BNIP3L: variants seen among roughly 807,000 people sequenced by gnomAD.
The protein encoded by BNIP3L is BCL2 interacting protein 3 like.
BNIP3L carries 10 observed loss-of-function variants against 25.5 expected under a neutral mutation model. That is an observed-to-expected ratio of 0.39 (90% CI 0.24 to 0.67). BNIP3L has a LOEUF of 0.67. Among genes scored for constraint, BNIP3L ranks in the 30% least tolerant of loss-of-function variants. BNIP3L has a pLI of 0.45. For missense variants in BNIP3L, 215 were observed against 270.9 expected (o/e 0.79, Z 1.45); for synonymous variants, 113 against 101.2 (o/e 1.12, Z -0.70).
At chr8:26,401,417 G>A (rs993004789) in intron 3 of BNIP3L, among the ~76,000 whole-genome samples, 1 of 151,574 alleles carries the variant, frequency 6.6e-6, no homozygotes, top group Non-Finnish European at 1.5e-5. Flanking sequence ...GGACTGTGGT[G>A]GGGAGCGGGG....
intron 1 of BNIP3L, among the ~76,000 whole-genome samples, chr8:26,390,064 C>CT (rs752478826): frequency 2.0e-5 from 3 of 152,124 alleles, no homozygotes; most frequent in Non-Finnish European, 2.9e-5. Flanking sequence ...ACCACTATCT[C>CT]TTTTTGCTGT....
intron 3 of BNIP3L, among the ~76,000 whole-genome samples, chr8:26,403,677 C>G (rs1806439557): frequency 6.6e-6 from 1 of 152,032 alleles, no homozygotes; most frequent in Admixed American, 6.6e-5. Context: ...GCTGGGACTA[C>G]AGGCTCACAC....
At chr8:26,402,154 T>C (rs1806398494) in intron 3 of BNIP3L, among the ~76,000 whole-genome samples, 2 of 152,222 alleles carry the variant, frequency 1.3e-5, no homozygotes, top group South Asian at 2.1e-4. Flanking sequence ...CTCTATACTT[T>C]ACTATGCTCT....
chr8:26,404,517 C>T (rs1806456580), intron 3 of BNIP3L, among the ~76,000 whole-genome samples: 1 of 152,078 alleles, frequency 6.6e-6, no homozygotes, highest in South Asian at 2.1e-4. Context: ...TCAGAATCTT[C>T]TTTGTTTTTG....
At chr8:26,405,347 T>A (rs1452546734) in intron 3 of BNIP3L, among the ~76,000 whole-genome samples, 1 of 152,160 alleles carries the variant, frequency 6.6e-6, no homozygotes, top group Non-Finnish European at 1.5e-5. Flanking sequence ...TGTTTTTGAT[T>A]TGGGATGATT....
chr8:26,401,673 C>G (rs1806386304), intron 3 of BNIP3L, among the ~76,000 whole-genome samples: 1 of 147,248 alleles, frequency 6.8e-6, no homozygotes, highest in African/African-American at 2.5e-5. Flanking sequence ...GACATGAAGA[C>G]TTTTTTTTGC....
intron 1 of BNIP3L, among the ~76,000 whole-genome samples, chr8:26,385,421 A>C (rs1209643389): frequency 6.6e-6 from 1 of 151,838 alleles, no homozygotes; most frequent in East Asian, 2.0e-4. Context: ...ACATGGTGAG[A>C]GAACAACCCC....
At chr8:26,387,961 CAGT>C (rs2117465088) in intron 1 of BNIP3L, among the ~76,000 whole-genome samples, 1 of 152,250 alleles carries the variant, frequency 6.6e-6, no homozygotes, top group East Asian at 1.9e-4. Flanking sequence ...GAATGAATGT[CAGT>C]ATATATTGAT....
intron 5 of BNIP3L, 110 bp from the exon 6 acceptor site, chr8:26,410,253 CT>C: frequency 1.6e-6 from 2 of 1,287,402 alleles, no homozygotes; most frequent in Non-Finnish European, 2.2e-6. Context: ...ACCCACAAAC[CT>C]TTAGAGCCTT....
chr8:26,406,428 A>C (rs1806501068), intron 3 of BNIP3L, among the ~76,000 whole-genome samples: 1 of 152,208 alleles, frequency 6.6e-6, no homozygotes. Context: ...CTGGTTGTGG[A>C]ACCTTAGGCA....
At chr8:26,404,080 G>A (rs141283760) in intron 3 of BNIP3L, among the ~76,000 whole-genome samples, 64 of 152,318 alleles carry the variant, frequency 4.2e-4, no homozygotes, top group Admixed American at 1.6e-3. Context: ...TGTCTGCTGA[G>A]TTATGGTATG....
chr8:26,395,095 G>A, intron 2 of BNIP3L, 135 bp from the exon 3 acceptor site: 3 of 759,828 alleles, frequency 3.9e-6, no homozygotes, highest in Non-Finnish European at 6.1e-6. Context: ...TTCTTGTATA[G>A]GGTTATGATA....
intron 3 of BNIP3L, among the ~76,000 whole-genome samples, chr8:26,405,986 T>C (rs1042930075): frequency 1.3e-5 from 2 of 152,232 alleles, no homozygotes; most frequent in African/African-American, 4.8e-5. Flanking sequence ...GAGGTTGCAG[T>C]GAGCCAAGGT....
chr8:26,410,409 C>CTG lies in BNIP3L; in HGVS notation c.658_659dup (p.Ter220CysfsTer46). The CTG allele has an allele frequency of 6.2e-7, 1 of 1,614,094 alleles. No individual in the cohort carries two copies. Among genetic ancestry groups the CTG allele is most frequent in the South Asian group, 1.1e-5 (1 of 91,082 alleles). Reference sequence around the variant, plus strand: ...TGAGCACACCCTCTGCCAGCACCTACTGAGGGAAAGGAAAAGCCCCTGGAA... The same window carrying CTG: ...TGAGCACACCCTCTGCCAGCACCTACTGTGAGGGAAAGGAAAAGCCCCTGGAA... On this transcript the variant is annotated frameshift_variant, in exon 6 of 6. Coordinates refer to ENST00000380629, the MANE Select transcript of BNIP3L (RefSeq NM_004331.3). LOFTEE classifies it high-confidence loss of function.
At chr8:26,395,123 T>C in intron 2 of BNIP3L, 107 bp from the exon 3 acceptor site, 6 of 1,159,524 alleles carry the variant, frequency 5.2e-6, no homozygotes, top group Non-Finnish European at 7.3e-6. Flanking sequence ...TGATTTGCTT[T>C]TTCAAAGCCA....
chr8:26,385,325 G>A (rs1215217717), intron 1 of BNIP3L, among the ~76,000 whole-genome samples: 2 of 151,906 alleles, frequency 1.3e-5, no homozygotes, highest in East Asian at 1.9e-4. Flanking sequence ...GGCAGGGCAC[G>A]ATGGCTCACA....
At chr8:26,398,891 C>A (rs1448226481) in intron 3 of BNIP3L, among the ~76,000 whole-genome samples, 1 of 151,180 alleles carries the variant, frequency 6.6e-6, no homozygotes, top group Non-Finnish European at 1.5e-5. Context: ...TCTGAATAGA[C>A]CAATAACAGG....
chr8:26,394,020 T>A (rs933060569), intron 2 of BNIP3L, among the ~76,000 whole-genome samples: 2 of 152,242 alleles, frequency 1.3e-5, no homozygotes, highest in Admixed American at 1.3e-4. Flanking sequence ...TTGATAACTT[T>A]AATAGTTAAT....
chr8:26,396,040 C>G (rs1806233180), intron 3 of BNIP3L: 1 of 151,900 alleles, frequency 6.6e-6, no homozygotes, highest in Admixed American at 6.6e-5. Flanking sequence ...GGCAGCGAGG[C>G]TGGGGGAGGG....
Sources: allele counts gnomAD v4.1 joint callset (sites outside exome capture counted in the v4.1 genomes callset), GRCh38; gene constraint gnomAD v4.1.1; transcripts MANE v1.5; gene names NCBI Gene and HGNC (gene_info 2026-07-23, HGNC 2026-07-21).